Variants in DVL3 observed in about 807,000 individuals in gnomAD.
The protein encoded by DVL3 is dishevelled segment polarity protein 3, also known as segment polarity protein dishevelled homolog DVL-3.
DVL3 carries 27 observed loss-of-function variants against 67.4 expected under a neutral mutation model. The ratio of observed to expected loss-of-function variants is 0.40; its 90% CI spans 0.30 to 0.55. DVL3 has a LOEUF of 0.55. DVL3 is among the 20% of genes least tolerant of loss of function. The probability of loss-of-function intolerance (pLI) is 0.46; values close to 1 mark genes in which losing one functional copy is unlikely to be tolerated. For synonymous variants in DVL3, 369 were observed against 396.8 expected (o/e 0.93, Z 0.83); for missense variants, 819 against 1,021.5 (o/e 0.80, Z 2.70).
In DVL3 at chr3:184,167,071, AG is replaced by A; in HGVS notation, c.1198+99del. Reference sequence around the variant, plus strand: ...GGAGACTCTTGCTTGAGCATCAGAGAGGGCTGGAGATGGGGCTCGGCTCATT... The same window carrying A: ...GGAGACTCTTGCTTGAGCATCAGAGAGGCTGGAGATGGGGCTCGGCTCATT... On this transcript the variant is annotated intron_variant, in intron 11 of 14. Coordinates refer to ENST00000313143, the MANE Select transcript of DVL3 (RefSeq NM_004423.4). The surrounding 1 kb of genome is among the most constrained non-coding windows in gnomAD (Gnocchi z 4.6). 1.4e-6 allele frequency: 2 copies of A among 1,469,668 alleles called. No individual in the cohort carries two copies. Among genetic ancestry groups the A allele is most frequent in the Non-Finnish European group, 9.3e-7 (1 of 1,080,838 alleles). The allele number at this position is 1,469,668 out of a possible 1,614,324, so 91.0% of individuals were successfully genotyped here.
In DVL3 at chr3:184,166,149, TCC is replaced by T. The variant is rs1463076502; in HGVS notation, c.788_789del (p.Ser263TyrfsTer10). On this transcript the variant is annotated frameshift_variant, in exon 8 of 15. Transcript: ENST00000313143. LOFTEE classifies it high-confidence loss of function. This position sits in a 1 kb window ranked among gnomAD's most constrained non-coding sequence, Gnocchi z 6.7. ...AGAAAAATATAACTTCTTGGGCATC[TCC>T]ATTGTGGGCCAAAGCAACGAGCGTG... Reference protein sequence around the residue: ...NMEKYNFLGISIVGQSNERGD... With the variant: ...NMEKYNFLGIXIVGQSNERGD... 1 of 1,613,572 alleles carries T rather than the reference TCC, an allele frequency of 6.2e-7. No homozygotes were observed.
chr3:184,166,311 G>C lies in DVL3; in HGVS notation c.903+46G>C. 6.2e-7 allele frequency: 1 copy of C among 1,606,384 alleles called. No homozygotes were observed. The highest frequency in any genetic ancestry group is 8.5e-7 in the Non-Finnish European group (1 of 1,175,480). Reference sequence around the variant, plus strand: ...CGGTGGTGTGGATAGAGGGCAGGGAGGTGTCCTACCATCTGTACCCTGCTC... The same window carrying C: ...CGGTGGTGTGGATAGAGGGCAGGGACGTGTCCTACCATCTGTACCCTGCTC... On this transcript the variant is annotated intron_variant, in intron 8 of 14. Coordinates refer to ENST00000313143, the MANE Select transcript of DVL3 (RefSeq NM_004423.4). The surrounding 1 kb of genome is among the most constrained non-coding windows in gnomAD (Gnocchi z 6.7).
At position 184,164,685 on chromosome 3, in the gene DVL3, T is replaced by C; in HGVS notation, c.463+84T>C. On this transcript the variant is annotated intron_variant, in intron 4 of 14. Coordinates refer to ENST00000313143, the MANE Select transcript of DVL3 (RefSeq NM_004423.4). This position sits in a 1 kb window ranked among gnomAD's most constrained non-coding sequence, Gnocchi z 5.3. Reference sequence around the variant, plus strand: ...CCAGCTACCCACCTTCTTGCCCTACTTCCCGAGCTCAGGATATGCCTGGCC... The same window carrying C: ...CCAGCTACCCACCTTCTTGCCCTACCTCCCGAGCTCAGGATATGCCTGGCC... 1 of 1,567,348 alleles carries C rather than the reference T, an allele frequency of 6.4e-7. No individual in the cohort carries two copies. Among genetic ancestry groups the C allele is most frequent in the African/African-American group, 1.3e-5 (1 of 74,164 alleles).
At chr3:184,156,105 C>A (rs539981626) in intron 1 of DVL3, among the ~76,000 whole-genome samples, 1 of 152,160 alleles carries the variant, frequency 6.6e-6, no homozygotes, top group Non-Finnish European at 1.5e-5. Flanking sequence ...ACACACCCCC[C>A]CTCCACCTAG....
Position 184,166,102 on chromosome 3 carries a change from A to G in DVL3, c.764-24A>G, listed in dbSNP as rs549144110. On this transcript the variant is annotated intron_variant, in intron 7 of 14. Transcript: ENST00000313143. This position sits in a 1 kb window ranked among gnomAD's most constrained non-coding sequence, Gnocchi z 6.7. ...GCGGGTAGGAACCTTGCTCCCCCTT[A>G]AGGTCTTAAATTACTCTCTATAGAA... 1.2e-6 allele frequency: 2 copies of G among 1,609,948 alleles called. No individual in the cohort carries two copies. The highest frequency in any genetic ancestry group is 2.2e-5 in the South Asian group (2 of 90,552).
Position 184,155,879 on chromosome 3 carries a change from C to T in DVL3, c.161+83C>T, listed in dbSNP as rs1048835060. The T allele has an allele frequency of 2.0e-6, 3 of 1,477,536 alleles. No individual in the cohort carries two copies. The African/African-American group carries it at 4.2e-5, about 21-fold the overall frequency. The allele number at this position is 1,477,536 out of a possible 1,614,324, so 91.5% of individuals were successfully genotyped here. On this transcript the variant is annotated intron_variant, in intron 1 of 14. Transcript: ENST00000313143. The surrounding 1 kb of genome is among the most constrained non-coding windows in gnomAD (Gnocchi z 5.4). ...TGACGCGGTCCGTTTCGACTTGCCT[C>T]GCTACACCGGCTCCTAGCCCCGCTC...
chr3:184,164,326 G>A lies in DVL3; in HGVS notation c.291G>A (p.Ser97=), dbSNP rs150288196. The change falls in exon 3 of 15, where the codon TCG becomes TCA. Residue 97 remains serine, a synonymous_variant. Coordinates refer to ENST00000313143, the MANE Select transcript of DVL3 (RefSeq NM_004423.4). This position sits in a 1 kb window ranked among gnomAD's most constrained non-coding sequence, Gnocchi z 5.3. Reference sequence around the variant, plus strand: ...CCCCCTTCTGTGCTGATAACCCATCGGAGCTGCCACCACCTATGGAGCGCA... The same window carrying A: ...CCCCCTTCTGTGCTGATAACCCATCAGAGCTGCCACCACCTATGGAGCGCA... ...DPAPFCADNP[S]ELPPPMERTG... 7.6e-3 allele frequency: 12,250 copies of A among 1,614,056 alleles called. 66 individuals are homozygous for A. Among genetic ancestry groups the A allele is most frequent in the Non-Finnish European group, 9.6e-3 (11,314 of 1,179,976 alleles).
In DVL3 at chr3:184,165,334, T is replaced by C; in HGVS notation, c.694-88T>C. 1 of 1,548,376 alleles carries C rather than the reference T, an allele frequency of 6.5e-7. No homozygotes were observed. The highest frequency in any genetic ancestry group is 8.9e-7 in the Non-Finnish European group (1 of 1,127,914). ...TGTTGAGAACCTTGGGGCTGGGGGCTGCACCGGGGACTCACCTTGAGGAGG... is the reference window on the plus strand; with the variant it reads ...TGTTGAGAACCTTGGGGCTGGGGGCCGCACCGGGGACTCACCTTGAGGAGG... On this transcript the variant is annotated intron_variant, in intron 6 of 14. Transcript: ENST00000313143. The surrounding 1 kb of genome is among the most constrained non-coding windows in gnomAD (Gnocchi z 4.1).
intron 1 of DVL3, among the ~76,000 whole-genome samples, chr3:184,162,879 G>A (rs900768852): frequency 8.5e-5 from 13 of 152,050 alleles, no homozygotes; most frequent in East Asian, 3.9e-4. Context: ...GTGGTCACGG[G>A]GCATGTAGTT....
chr3:184,170,012 C>G lies in DVL3; in HGVS notation c.1505C>G (p.Ala502Gly). 3.7e-6 allele frequency: 6 copies of G among 1,604,374 alleles called. No individual in the cohort carries two copies. The highest frequency in any genetic ancestry group is 5.1e-6 in the Non-Finnish European group (6 of 1,173,544). Residue 502 changes from alanine (A) to glycine (G), a missense_variant, in exon 14 of 15, where the codon GCC (alanine) becomes GGC (glycine). Around this residue, in one of 3 missense-constraint regions of DVL3, gnomAD observed 324 missense variants for 331.3 expected, o/e 0.98. Coordinates refer to ENST00000313143, the MANE Select transcript of DVL3 (RefSeq NM_004423.4). This position sits in a 1 kb window ranked among gnomAD's most constrained non-coding sequence, Gnocchi z 6.5. Reference protein sequence around the residue: ...YIFGDLCGNMANLSLHDHDGS... With the variant: ...YIFGDLCGNMGNLSLHDHDGS... ...CCGGCCCTCCCCTTCACAGACATGG[C>G]CAACCTGTCTCTCCACGATCACGAT...
Position 184,155,816 on chromosome 3 carries a change from C to A in DVL3, c.161+20C>A. On this transcript the variant is annotated intron_variant, in intron 1 of 14. Coordinates refer to ENST00000313143, the MANE Select transcript of DVL3 (RefSeq NM_004423.4). The surrounding 1 kb of genome is among the most constrained non-coding windows in gnomAD (Gnocchi z 5.4). ...TTTCGGGTGAGGATGGCCCCCGCCC[C>A]GCCTCCGGGAGCCCCGGCCGCTCTG... 2 of 1,593,272 alleles carry A rather than the reference C, an allele frequency of 1.3e-6. No homozygotes were observed. Among genetic ancestry groups the A allele is most frequent in the Non-Finnish European group, 1.7e-6 (2 of 1,170,260 alleles).
chr3:184,164,790 C>T lies in DVL3; in HGVS notation c.464-6C>T, dbSNP rs921304296. 8.1e-6 allele frequency: 13 copies of T among 1,614,180 alleles called. No individual in the cohort carries two copies. The highest frequency in any genetic ancestry group is 3.3e-5 in the South Asian group (3 of 91,088). On this transcript the variant is annotated splice_polypyrimidine_tract_variant and splice_region_variant and intron_variant, in intron 4 of 14. Transcript: ENST00000313143. This position sits in a 1 kb window ranked among gnomAD's most constrained non-coding sequence, Gnocchi z 5.3. ...GTGTAAACCCAACTGCTTCCATCCC[C>T]TGCAGCAACCCGGCTAAATGGAACT...
chr3:184,166,911 C>T lies in DVL3; in HGVS notation c.1134C>T (p.Ser378=), dbSNP rs758989600. The change falls in exon 11 of 15, where the codon AGC becomes AGT. Residue 378 remains serine, a synonymous_variant. Coordinates refer to ENST00000313143, the MANE Select transcript of DVL3 (RefSeq NM_004423.4). The surrounding 1 kb of genome is among the most constrained non-coding windows in gnomAD (Gnocchi z 6.7). ...MTGTFPAYGM[S]PSLSTITSTS... ...GCACCTTCCCTGCATACGGCATGAGCCCCTCCCTGAGCACCATCACCTCCA... is the reference window on the plus strand; with the variant it reads ...GCACCTTCCCTGCATACGGCATGAGTCCCTCCCTGAGCACCATCACCTCCA... 5.0e-6 allele frequency: 8 copies of T among 1,614,170 alleles called. No homozygotes were observed. The South Asian group carries it at 8.8e-5, about 18-fold the overall frequency.
Position 184,171,610 on chromosome 3 carries a change from G to C in DVL3, c.*855G>C, listed in dbSNP as rs1018431021. 1.0e-6 allele frequency: 1 copy of C among 985,890 alleles called. No individual in the cohort carries two copies. Among genetic ancestry groups the C allele is most frequent in the Non-Finnish European group, 1.2e-6 (1 of 829,930 alleles). 61.1% of individuals were successfully genotyped at this position (985,890 alleles called of 1,614,324 possible). A position where few individuals can be genotyped will look rare whatever the true frequency, so the allele number is the denominator to read the frequency against. ...TTGACTTTCTGTGAGCCCCCAGCGA[G>C]GGGAGGCCCAGCCTCCGAGGAGACC... On this transcript the variant is annotated 3_prime_UTR_variant, in exon 15 of 15. Coordinates refer to ENST00000313143, the MANE Select transcript of DVL3 (RefSeq NM_004423.4).
rs375056550 is a variant in DVL3, at chr3:184,163,201, T to C, written c.162-456T>C. Among the ~76,000 whole-genome samples the C allele has an allele frequency of 2.2e-4, 33 of 152,348 alleles. No individual in the cohort carries two copies. The highest frequency in any genetic ancestry group is 3.4e-3 in the Middle Eastern group (1 of 294). ...TCACGCCTGGCCTCCCCTTCTCTTTTCTAATTTTCTTAAATTCTTTGTCCA... is the reference window on the plus strand; with the variant it reads ...TCACGCCTGGCCTCCCCTTCTCTTTCCTAATTTTCTTAAATTCTTTGTCCA... On this transcript the variant is annotated intron_variant, in intron 1 of 14. Transcript: ENST00000313143. This position sits in a 1 kb window ranked among gnomAD's most constrained non-coding sequence, Gnocchi z 4.5.
rs368504471 is a variant in DVL3, at chr3:184,166,311, G to A, written c.903+46G>A. ...CGGTGGTGTGGATAGAGGGCAGGGA[G>A]GTGTCCTACCATCTGTACCCTGCTC... On this transcript the variant is annotated intron_variant, in intron 8 of 14. Transcript: ENST00000313143. The surrounding 1 kb of genome is among the most constrained non-coding windows in gnomAD (Gnocchi z 6.7). 65 of 1,606,266 alleles carry A rather than the reference G, an allele frequency of 4.0e-5. 1 individual carries two copies. The highest frequency in any genetic ancestry group is 3.3e-4 in the Middle Eastern group (2 of 6,024).
Position 184,172,651 on chromosome 3 carries a change from T to C in DVL3, c.*1896T>C, listed in dbSNP as rs191213854. Reference sequence around the variant, plus strand: ...CAGGAGGCTGAGGCACAAGAATCGCTTGAATCCAGGAAGCAAGCGGAGGTT... The same window carrying C: ...CAGGAGGCTGAGGCACAAGAATCGCCTGAATCCAGGAAGCAAGCGGAGGTT... On this transcript the variant is annotated 3_prime_UTR_variant, in exon 15 of 15. Coordinates refer to ENST00000313143, the MANE Select transcript of DVL3 (RefSeq NM_004423.4). 1.3e-5 allele frequency: 2 copies of C among 152,304 alleles called. No individual in the cohort carries two copies. The highest frequency in any genetic ancestry group is 3.9e-4 in the East Asian group (2 of 5,186). 9.4% of individuals were successfully genotyped at this position (152,304 alleles called of 1,614,324 possible).
rs1161987552 is a variant in DVL3, at chr3:184,165,444, C to T, written c.716C>T (p.Thr239Met). The change falls in exon 7 of 15, where the codon ACG (threonine) becomes ATG (methionine). Residue 239 changes from threonine (T) to methionine (M), a missense_variant. Physicochemically the swap from Thr to Met is moderately conservative, Grantham distance 81. Coordinates refer to ENST00000313143, the MANE Select transcript of DVL3 (RefSeq NM_004423.4). This position sits in a 1 kb window ranked among gnomAD's most constrained non-coding sequence, Gnocchi z 4.1. ...CAGTCCTCGTCCTTCAGCAGCATCA[C>T]GGACTCCACCATGTCACTCAACATC... ...IERSSSFSSITDSTMSLNIIT... is the reference protein window; with the variant it reads ...IERSSSFSSIMDSTMSLNIIT... The T allele has an allele frequency of 3.7e-6, 6 of 1,613,946 alleles. No homozygotes were observed. The highest frequency in any genetic ancestry group is 2.7e-5 in the African/African-American group (2 of 74,878).
Position 184,170,390 on chromosome 3 carries a change from T to C in DVL3, c.1786T>C (p.Ser596Pro). The change falls in exon 15 of 15, where the codon TCC becomes CCC. Residue 596 changes from serine (S) to proline (P), a missense_variant. This residue lies in a region of DVL3 where 324 missense variants were observed against 331.3 expected (regional missense o/e 0.98). Coordinates refer to ENST00000313143, the MANE Select transcript of DVL3 (RefSeq NM_004423.4). The surrounding 1 kb of genome is among the most constrained non-coding windows in gnomAD (Gnocchi z 6.5). Reference protein sequence around the residue: ...RKEKDPKAGDSKSGGSGSESD... With the variant: ...RKEKDPKAGDPKSGGSGSESD... The stretch of plus-strand genomic sequence containing the variant: ...GGAGAAGGACCCGAAGGCCGGGGAC[T>C]CCAAGTCCGGGGGCAGCGGCAGCGA... 2 of 1,604,824 alleles carry C rather than the reference T, an allele frequency of 1.2e-6. No individual in the cohort carries two copies. Among genetic ancestry groups the C allele is most frequent in the Non-Finnish European group, 1.7e-6 (2 of 1,176,060 alleles).
Sources: gnomAD v4.1 joint callset for allele counts (sites outside exome capture counted in the v4.1 genomes callset) on GRCh38, gnomAD v4.1.1 for gene constraint, gnomAD v4.1.1 regional missense constraint, Gnocchi (gnomAD v3.1) non-coding constraint, MANE v1.5 for transcripts, NCBI Gene and HGNC (gene_info 2026-07-23, HGNC 2026-07-21) for gene names.